FILIP1L: variants seen among roughly 807,000 people sequenced by gnomAD.
FILIP1L encodes filamin A-interacting protein 1-like.
A neutral mutation model predicts 96.6 loss-of-function variants in FILIP1L; 55 were observed. That is an observed-to-expected ratio of 0.57 (90% CI 0.46 to 0.71). FILIP1L has a LOEUF of 0.71. Among genes scored for constraint, FILIP1L ranks in the 30% least tolerant of loss-of-function variants. FILIP1L has a pLI of 0.00. For missense variants in FILIP1L, 1,304 were observed against 1,321.2 expected, an observed-to-expected ratio of 0.99 and a Z score of 0.20; for synonymous variants, 467 against 473.9, an observed-to-expected ratio of 0.99 and a Z score of 0.19.
At chr3:99,942,234 T>C (rs188614593) in intron 1 of FILIP1L, among the ~76,000 whole-genome samples, 16 of 152,224 alleles carry the variant, frequency 1.1e-4, no homozygotes, top group Non-Finnish European at 2.1e-4. Flanking sequence ...GTTAATCTTA[T>C]TAGATGTGTT....
intron 4 of FILIP1L, among the ~76,000 whole-genome samples, chr3:99,920,139 A>G (rs1216731230): frequency 3.9e-5 from 6 of 152,168 alleles, no homozygotes; most frequent in Admixed American, 2.6e-4. Context: ...TGCCATAACA[A>G]TATTTCTTTC....
chr3:99,952,156 C>T (rs892473386), intron 1 of FILIP1L, among the ~76,000 whole-genome samples: 2 of 151,738 alleles, frequency 1.3e-5, no homozygotes, highest in African/African-American at 4.8e-5. Context: ...CCACAGTCTC[C>T]TATAGATGTG....
At chr3:99,967,081 A>C (rs1249692790) in intron 1 of FILIP1L, among the ~76,000 whole-genome samples, 1 of 152,212 alleles carries the variant, frequency 6.6e-6, no homozygotes. Context: ...TGAAAAAGAA[A>C]GGATAAAGTT....
intron 4 of FILIP1L, among the ~76,000 whole-genome samples, chr3:99,892,813 T>G (rs1277693148): frequency 1.3e-5 from 2 of 152,236 alleles, no homozygotes; most frequent in Admixed American, 1.3e-4. Flanking sequence ...TATAAATCAA[T>G]CAGATTTTAT....
At chr3:100,013,885 C>T (rs1459154388) in intron 1 of FILIP1L, among the ~76,000 whole-genome samples, 1 of 152,002 alleles carries the variant, frequency 6.6e-6, no homozygotes, top group Non-Finnish European at 1.5e-5. Flanking sequence ...CTATAGTCAC[C>T]GTGCTTCACA....
chr3:100,060,169 A>C (rs1411276476), intron 1 of FILIP1L, among the ~76,000 whole-genome samples: 1 of 152,068 alleles, frequency 6.6e-6, no homozygotes, highest in African/African-American at 2.4e-5. Flanking sequence ...TGCCAGACTG[A>C]AGAGGTTGAG....
chr3:99,970,505 C>T (rs1244502661), intron 1 of FILIP1L, among the ~76,000 whole-genome samples: 1 of 152,274 alleles, frequency 6.6e-6, no homozygotes, highest in Non-Finnish European at 1.5e-5. Context: ...CACTCCCAAA[C>T]TACTTCTACC....
At chr3:100,048,291 G>A (rs1384751914) in intron 1 of FILIP1L, among the ~76,000 whole-genome samples, 1 of 152,208 alleles carries the variant, frequency 6.6e-6, no homozygotes, top group African/African-American at 2.4e-5. Flanking sequence ...CCCTTAATTT[G>A]GTTATGCTTT....
intron 1 of FILIP1L, among the ~76,000 whole-genome samples, chr3:100,094,569 A>T (rs1214679539): frequency 1.3e-5 from 2 of 149,222 alleles, no homozygotes; most frequent in African/African-American, 5.0e-5. Flanking sequence ...TAGCTTCATG[A>T]TCCATTTTGA....
At chr3:100,055,686 G>T (rs1439810829) in intron 1 of FILIP1L, among the ~76,000 whole-genome samples, 1 of 152,058 alleles carries the variant, frequency 6.6e-6, no homozygotes, top group Non-Finnish European at 1.5e-5. Context: ...TCCTTTCCCT[G>T]TTCTTTAGTA....
rs139378204 is a variant in FILIP1L at position 100,093,527 on chromosome 3, G to A, written c.-11+20526C>T. Among the ~76,000 whole-genome samples, 263 of 151,998 alleles carry A rather than the reference G, an allele frequency of 1.7e-3. 2 individuals carry two copies. The Middle Eastern group carries it at 0.021, about 12-fold the overall frequency. On this transcript the variant is annotated intron_variant, in intron 1 of 5. Transcript: ENST00000477258. ...AATTGTGATTCACATGCATTTGTAC[G>A]GAATAATGCAGAGTGATTCCACATA...
chr3:99,842,457 C>A (rs1195279402), intron 5 of FILIP1L, among the ~76,000 whole-genome samples: 1 of 150,056 alleles, frequency 6.7e-6, no homozygotes, highest in Admixed American at 6.6e-5. Context: ...TAACCAAACA[C>A]CACTTGTTCC....
At chr3:99,924,508 G>GT (rs1409873387) in intron 3 of FILIP1L, 100 bp from the exon 4 acceptor site, 9 of 1,220,066 alleles carry the variant, frequency 7.4e-6, no homozygotes, top group East Asian at 2.4e-5. Flanking sequence ...TCGGCAGTGG[G>GT]TTTTTTTGGT....
chr3:100,050,295 T>C (rs1559739547), intron 1 of FILIP1L, among the ~76,000 whole-genome samples: 3 of 152,210 alleles, frequency 2.0e-5, no homozygotes, highest in Non-Finnish European at 4.4e-5. Flanking sequence ...TGCCCTCTAA[T>C]GAGTCAGGAA....
intron 4 of FILIP1L, among the ~76,000 whole-genome samples, chr3:99,897,314 A>C (rs1051981007): frequency 6.6e-6 from 1 of 151,984 alleles, no homozygotes; most frequent in Non-Finnish European, 1.5e-5. Context: ...GGTTGCAGGG[A>C]GCCGAGATTG....
intron 1 of FILIP1L, among the ~76,000 whole-genome samples, chr3:99,998,559 G>A (rs1005378488): frequency 6.6e-6 from 1 of 152,168 alleles, no homozygotes; most frequent in Admixed American, 6.5e-5. Context: ...GTATTTTGGA[G>A]CTAATTAAAG....
At chr3:99,932,385 T>A (rs1443102682) in intron 1 of FILIP1L, among the ~76,000 whole-genome samples, 2 of 152,244 alleles carry the variant, frequency 1.3e-5, no homozygotes, top group Non-Finnish European at 2.9e-5. Flanking sequence ...TTGAGATTCT[T>A]CCTTGTTCTA....
At chr3:99,938,074 T>TGTGC (rs1431638787) in intron 1 of FILIP1L, among the ~76,000 whole-genome samples, 301 of 85,258 alleles carry the variant, frequency 3.5e-3, no homozygotes, top group Non-Finnish European at 6.0e-3. Context: ...TGTGTGTGTG[T>TGTGC]GCGCGCGCGC....
At chr3:99,932,185 C>G (rs985382337) in intron 1 of FILIP1L, among the ~76,000 whole-genome samples, 1 of 152,138 alleles carries the variant, frequency 6.6e-6, no homozygotes, top group Admixed American at 6.6e-5. Context: ...CTTCTCCTCC[C>G]TTCCCACTCC....
Sources: gnomAD v4.1 joint callset for allele counts (sites outside exome capture counted in the v4.1 genomes callset) on GRCh38, gnomAD v4.1.1 for gene constraint, MANE v1.5 for transcripts, NCBI Gene and HGNC (gene_info 2026-07-23, HGNC 2026-07-21) for gene names.